The following STIM2 variants were observed in gnomAD, a reference collection of about 807,000 sequenced individuals.
STIM2 encodes stromal interaction molecule 2.
Under a neutral mutation model 85.8 loss-of-function variants are expected in STIM2, and 31 were observed. That is an observed-to-expected ratio of 0.36 (90% confidence interval 0.27 to 0.49). The LOEUF (loss-of-function observed/expected upper bound fraction) is 0.49. STIM2 is among the 20% of genes least tolerant of loss of function. The pLI is 0.98. For synonymous variants in STIM2, 356 were observed against 331.1 expected (o/e 1.08, Z -0.82); for missense variants, 841 against 927.6 (o/e 0.91, Z 1.21).
chr4:27,012,721 A>T (rs540366745), intron 10 of STIM2, among the ~76,000 whole-genome samples: 2 of 152,214 alleles, frequency 1.3e-5, no homozygotes, highest in African/African-American at 4.8e-5. Context: ...TGCAGGCAAT[A>T]GGGATTGCCA....
intron 1 of STIM2, among the ~76,000 whole-genome samples, chr4:26,902,090 A>G (rs1422971775): frequency 6.6e-6 from 1 of 152,132 alleles, no homozygotes. Flanking sequence ...GGGTTTCAAC[A>G]GAAGTGGTGA....
At chr4:26,904,360 A>G (rs1256402394) in intron 1 of STIM2, among the ~76,000 whole-genome samples, 1 of 152,150 alleles carries the variant, frequency 6.6e-6, no homozygotes, top group Non-Finnish European at 1.5e-5. Context: ...AGCCATCACC[A>G]TAGTCAGTAT....
intron 3 of STIM2, among the ~76,000 whole-genome samples, chr4:26,981,785 C>T (rs1050564446): frequency 1.3e-5 from 2 of 152,096 alleles, no homozygotes; most frequent in African/African-American, 4.8e-5. Flanking sequence ...TTGTTAGACC[C>T]AGGTTATGCA....
chr4:26,887,555 G>C (rs1023288244), intron 1 of STIM2, among the ~76,000 whole-genome samples: 6 of 152,078 alleles, frequency 3.9e-5, no homozygotes, highest in African/African-American at 1.4e-4. Flanking sequence ...GTTCTTTGTT[G>C]CATTAAACTA....
At position 26,997,693 on chromosome 4, in the gene STIM2, A is replaced by G. The variant is rs539987031; in HGVS notation, c.510-1539A>G. ...TTATACAAACATTTATCAAGCTTCT[A>G]CTTTTGGCAAGTACTACATTAGGCT... On this transcript the variant is annotated intron_variant, in intron 4 of 11. Coordinates refer to ENST00000467087, the MANE Select transcript of STIM2 (RefSeq NM_020860.4). Among the ~76,000 whole-genome samples the G allele has an allele frequency of 3.9e-5, 6 of 152,364 alleles. No homozygotes were observed. The South Asian group carries it at 8.3e-4, about 21-fold the overall frequency.
chr4:26,997,912 A>G (rs942762952), intron 4 of STIM2, among the ~76,000 whole-genome samples: 10 of 152,210 alleles, frequency 6.6e-5, no homozygotes, highest in Admixed American at 2.6e-4. Context: ...TAATTTTTCC[A>G]TACTTAGAGA....
At chr4:26,942,730 T>C (rs913070024) in intron 2 of STIM2, among the ~76,000 whole-genome samples, 5 of 152,140 alleles carry the variant, frequency 3.3e-5, no homozygotes, top group Admixed American at 6.6e-5. Context: ...ATTTCTACTA[T>C]ATTGGTTGCT....
intron 1 of STIM2, among the ~76,000 whole-genome samples, chr4:26,879,990 T>G (rs2109035303): frequency 6.6e-6 from 1 of 152,322 alleles, no homozygotes; most frequent in South Asian, 2.1e-4. Flanking sequence ...AACTTCTTGT[T>G]ATCATTCTTT....
At chr4:26,908,682 C>T (rs985140504) in intron 1 of STIM2, among the ~76,000 whole-genome samples, 1 of 152,166 alleles carries the variant, frequency 6.6e-6, no homozygotes. Context: ...CAGAGTTTCA[C>T]CATGTTGGCC....
intron 1 of STIM2, among the ~76,000 whole-genome samples, chr4:26,915,674 A>C (rs1024934158): frequency 3.9e-5 from 6 of 152,358 alleles, no homozygotes; most frequent in Admixed American, 3.3e-4. Context: ...GACTTGGGTT[A>C]GGTCTCATTC....
chr4:26,917,027 A>G (rs1724607650), intron 1 of STIM2, among the ~76,000 whole-genome samples: 1 of 152,194 alleles, frequency 6.6e-6, no homozygotes, highest in South Asian at 2.1e-4. Context: ...AAGTAACAGA[A>G]TTTATCAGAG....
At chr4:26,961,636 G>A (rs995463223) in intron 3 of STIM2, among the ~76,000 whole-genome samples, 1 of 152,104 alleles carries the variant, frequency 6.6e-6, no homozygotes, top group Non-Finnish European at 1.5e-5. Flanking sequence ...GTAAGTTTAG[G>A]GTATGGAGGT....
At chr4:26,974,575 T>C (rs113422299) in intron 3 of STIM2, among the ~76,000 whole-genome samples, 2,375 of 152,354 alleles carry the variant, frequency 0.016, 59 homozygotes, top group African/African-American at 0.054. Flanking sequence ...CTCCACTCTC[T>C]TGTGGCTTGT....
chr4:26,997,855 AGTTCTTTGCTCTTTAAGGTTTTAT>A (rs1244565038), intron 4 of STIM2, among the ~76,000 whole-genome samples: 22 of 152,224 alleles, frequency 1.4e-4, no homozygotes, highest in Non-Finnish European at 2.8e-4. Flanking sequence ...GGAATGTTAC[AGTTCTTTGCTCTTTAAGGTTTTAT>A]AGAAGCCTCA....
intron 1 of STIM2, among the ~76,000 whole-genome samples, chr4:26,875,685 A>G (rs564331754): frequency 6.6e-6 from 1 of 152,296 alleles, no homozygotes; most frequent in African/African-American, 2.4e-5. Flanking sequence ...ACAAATTCCC[A>G]AGCAAGACAT....
At chr4:26,872,862 A>G (rs1227715002) in intron 1 of STIM2, among the ~76,000 whole-genome samples, 2 of 152,246 alleles carry the variant, frequency 1.3e-5, no homozygotes, top group South Asian at 4.1e-4. Flanking sequence ...TGAGAAGGTC[A>G]CATTTAAGGT....
At chr4:26,866,615 G>T (rs1204369008) in intron 1 of STIM2, among the ~76,000 whole-genome samples, 2 of 152,050 alleles carry the variant, frequency 1.3e-5, no homozygotes, top group African/African-American at 4.8e-5. Flanking sequence ...AGAGTAGTGG[G>T]GAATGCAAGA....
intron 2 of STIM2, among the ~76,000 whole-genome samples, chr4:26,952,730 G>A (rs1031377675): frequency 2.0e-5 from 3 of 152,102 alleles, no homozygotes; most frequent in African/African-American, 7.2e-5. Context: ...GGCAGTTCAT[G>A]CTTTATTAAC....
intron 1 of STIM2, among the ~76,000 whole-genome samples, chr4:26,917,869 G>A (rs975584539): frequency 7.2e-5 from 11 of 152,080 alleles, no homozygotes; most frequent in African/African-American, 2.7e-4. Context: ...TGGTACCTGA[G>A]CTCTTATCTT....
Sources: gnomAD v4.1 joint callset for allele counts (sites outside exome capture counted in the v4.1 genomes callset) on GRCh38, gnomAD v4.1.1 for gene constraint, MANE v1.5 for transcripts, NCBI Gene and HGNC (gene_info 2026-07-23, HGNC 2026-07-21) for gene names.